The following UGT3A1 variants were observed in gnomAD, a reference collection of about 807,000 sequenced individuals.
UGT3A1 encodes the protein UDP-glycosyltransferase 3A1.
In UGT3A1, 40 loss-of-function variants were observed where a neutral mutation model predicts 37.6. The ratio of observed to expected loss-of-function variants is 1.06; its 90% CI spans 0.83 to 1.38. UGT3A1 has a LOEUF of 1.38. Ranked by LOEUF, UGT3A1 falls within the 40% of genes most tolerant of loss-of-function variation. The pLI is 0.00. For missense variants in UGT3A1, 642 were observed against 634.2 expected (o/e 1.01, Z -0.13); for synonymous variants, 256 against 232.3 (o/e 1.10, Z -0.93).
chr5:35,963,552 A>C lies in UGT3A1; in HGVS notation c.843+1834T>G, dbSNP rs954163056. Reference sequence around the variant, plus strand: ...TTAGAAAAGGAAAAAAATAAAAGAAAGAAAAACACAGCTTAAGGGGCAAAA... The same window carrying C: ...TTAGAAAAGGAAAAAAATAAAAGAACGAAAAACACAGCTTAAGGGGCAAAA... On this transcript the variant is annotated intron_variant, in intron 4 of 6. Transcript: ENST00000274278. 3.2e-4 allele frequency among the ~76,000 whole-genome samples: 49 copies of C among 152,250 alleles called. 1 individual carries two copies.
At chr5:35,984,118 T>C (rs1740637097) in intron 2 of UGT3A1, among the ~76,000 whole-genome samples, 1 of 152,174 alleles carries the variant, frequency 6.6e-6, no homozygotes, top group African/African-American at 2.4e-5. Flanking sequence ...AATTAGCCTT[T>C]TTCACAGAAG....
At chr5:35,985,561 CA>C (rs1740697676) in intron 2 of UGT3A1, among the ~76,000 whole-genome samples, 1 of 152,024 alleles carries the variant, frequency 6.6e-6, no homozygotes, top group Non-Finnish European at 1.5e-5. Context: ...ACATGTATAG[CA>C]ACCTTATCTT....
chr5:35,976,080 T>C (rs1173629147), intron 2 of UGT3A1, among the ~76,000 whole-genome samples: 2 of 152,184 alleles, frequency 1.3e-5, no homozygotes, highest in African/African-American at 4.8e-5. Context: ...CCTGCAGCCT[T>C]ATGCTCTTTC....
upstream of UGT3A1, among the ~76,000 whole-genome samples, chr5:35,993,766 G>A (rs972623996): frequency 6.6e-5 from 10 of 152,102 alleles, no homozygotes; most frequent in Admixed American, 1.3e-4. Context: ...CTCATCTCTC[G>A]TGTTTGGTTC....
Position 35,951,977 on chromosome 5 carries a change from G to A in UGT3A1, c.*2225C>T, listed in dbSNP as rs1342724050. 1 of 152,162 alleles carries A rather than the reference G, an allele frequency of 6.6e-6. No individual in the cohort carries two copies. The highest frequency in any genetic ancestry group is 1.5e-5 in the Non-Finnish European group (1 of 68,032). The allele number at this position is 152,162 out of a possible 1,614,324, so 9.4% of individuals were successfully genotyped here. A position where few individuals can be genotyped will look rare whatever the true frequency, so the allele number is the denominator to read the frequency against. Reference sequence around the variant, plus strand: ...TCTATAACAAGATAAATAGGAACCAGTCCCTGTCTTTATGACCTTATGGTT... The same window carrying A: ...TCTATAACAAGATAAATAGGAACCAATCCCTGTCTTTATGACCTTATGGTT... On this transcript the variant is annotated 3_prime_UTR_variant, in exon 7 of 7. Transcript: ENST00000274278.
intron 2 of UGT3A1, among the ~76,000 whole-genome samples, chr5:35,975,133 C>T (rs1264006136): frequency 6.6e-6 from 1 of 152,182 alleles, no homozygotes; most frequent in Non-Finnish European, 1.5e-5. Context: ...GGATAACAGC[C>T]AGGTTCCTTC....
At chr5:35,996,579 G>A (rs1430385708) in intron 2 of UGT3A1, among the ~76,000 whole-genome samples, 2 of 152,166 alleles carry the variant, frequency 1.3e-5, no homozygotes, top group South Asian at 4.2e-4. Context: ...ATGCCCTGGG[G>A]CCCCTGTCAA....
chr5:35,990,892 G>A (rs1740918145), intron 1 of UGT3A1: 2 of 1,316,226 alleles, frequency 1.5e-6, no homozygotes. Flanking sequence ...CAGTCCTGCG[G>A]GACGGGGAGC....
At chr5:35,971,777 C>T (rs985988890) in intron 2 of UGT3A1, among the ~76,000 whole-genome samples, 4 of 152,116 alleles carry the variant, frequency 2.6e-5, no homozygotes, top group Admixed American at 6.5e-5. Context: ...AAACATTTCT[C>T]GTCCTGCCCT....
At chr5:35,993,494 G>C (rs931070199), upstream of UGT3A1, among the ~76,000 whole-genome samples, 13 of 151,348 alleles carry the variant, frequency 8.6e-5, no homozygotes, top group Non-Finnish European at 1.0e-4. Context: ...CACTGAGCCA[G>C]ACAAAGGCAT....
At chr5:35,991,081 C>A (rs764084177) in intron 1 of UGT3A1, 66 bp downstream of exon 1, 1 of 1,614,008 alleles carries the variant, frequency 6.2e-7, no homozygotes, top group Admixed American at 1.7e-5. Context: ...TCGCCGTTCG[C>A]TGGAGCCCTG....
upstream of UGT3A1, among the ~76,000 whole-genome samples, chr5:35,992,094 G>A (rs147296576): frequency 8.1e-3 from 1,232 of 152,240 alleles, 17 homozygotes; most frequent in African/African-American, 0.027. Flanking sequence ...CAAGACTTTC[G>A]GAAAGGCTTT....
At chr5:35,965,347 CTA>C in intron 4 of UGT3A1, 37 bp downstream of exon 4, 2 of 1,596,506 alleles carry the variant, frequency 1.3e-6, no homozygotes, top group Non-Finnish European at 1.7e-6. Context: ...CCCAAGGACT[CTA>C]TGTGAATCCC....
Position 35,954,321 on chromosome 5 carries a change from G to A in UGT3A1, c.1453C>T (p.Leu485Phe). 2 of 1,614,216 alleles carry A rather than the reference G, an allele frequency of 1.2e-6. No homozygotes were observed. The highest frequency in any genetic ancestry group is 1.7e-6 in the Non-Finnish European group (2 of 1,180,044). Residue 485 changes from leucine to phenylalanine, a missense_variant, in exon 7 of 7, where the codon CTC becomes TTC. Transcript: ENST00000274278. ...AFQQPWHEQY[L>F]IDVFVFLLGL... ...AGCAGAAACACAAAGACATCAATGA[G>A]GTACTGCTCATGCCAAGGCTGCTGG...
intron 4 of UGT3A1, chr5:35,963,040 C>G (rs546229215): frequency 1.5e-6 from 1 of 666,104 alleles, no homozygotes; most frequent in East Asian, 2.7e-5. Context: ...AAGCAAGGGA[C>G]TTTCTCTTCC....
rs547217828 is a variant in UGT3A1 at position 35,962,986 on chromosome 5, CCCTT to C, written c.843+2396_843+2399del. ...AGGGAAATAGAGGTGTCCCTCATTT[CCCTT>C]CCTTCTTTCAATGAAAACTCAGGGT... On this transcript the variant is annotated intron_variant, in intron 4 of 6. Transcript: ENST00000274278. 9.9e-4 allele frequency: 693 copies of C among 701,196 alleles called. 11 individuals carry two copies. The South Asian group carries it at 0.01, about 10-fold the overall frequency. 43.4% of individuals were successfully genotyped at this position (701,196 alleles called of 1,614,324 possible). A position where few individuals can be genotyped will look rare whatever the true frequency, so the allele number is the denominator to read the frequency against.
intron 2 of UGT3A1, among the ~76,000 whole-genome samples, chr5:35,983,884 G>C (rs1740628874): frequency 6.6e-6 from 1 of 151,704 alleles, no homozygotes; most frequent in Non-Finnish European, 1.5e-5. Flanking sequence ...CAACAAACTA[G>C]GTATAGAAGG....
chr5:35,963,958 T>C (rs1405264563), intron 4 of UGT3A1, among the ~76,000 whole-genome samples: 1 of 152,230 alleles, frequency 6.6e-6, no homozygotes, highest in Non-Finnish European at 1.5e-5. Flanking sequence ...ATGCTCATTC[T>C]ATTTAACATA....
Position 35,988,521 on chromosome 5 carries a change from A to G in UGT3A1, c.125T>C (p.Val42Ala), listed in dbSNP as rs979205123. 2 of 1,613,586 alleles carry G rather than the reference A, an allele frequency of 1.2e-6. No individual in the cohort carries two copies. Among genetic ancestry groups the G allele is most frequent in the Non-Finnish European group, 1.7e-6 (2 of 1,179,764 alleles). ...GGSHYLLLDR[V>A]SQILQEHGHN... is the part of the protein sequence containing the mutation. ...ACCATGCTCTTGAAGAATCTGAGAC[A>G]CCCGGTCCAACAGTAGGTAATGGCT... The change falls in exon 2 of 7, where the codon GTG (valine) becomes GCG (alanine). Residue 42 changes from valine to alanine, a missense_variant. Val to Ala is a moderately conservative substitution (Grantham distance 64). Transcript: ENST00000274278.
Sources: allele counts gnomAD v4.1 joint callset (sites outside exome capture counted in the v4.1 genomes callset), GRCh38; gene constraint gnomAD v4.1.1; transcripts MANE v1.5; gene names NCBI Gene and HGNC (gene_info 2026-07-23, HGNC 2026-07-21).